CKS2: variants seen among roughly 807,000 people sequenced by gnomAD.
CKS2 encodes the protein CDC28 protein kinase regulatory subunit 2, also known as cyclin-dependent kinases regulatory subunit 2.
A neutral mutation model predicts 14.3 loss-of-function variants in CKS2; 4 were observed. That is an observed-to-expected ratio of 0.28 (90% CI 0.14 to 0.64). The LOEUF is 0.64. Ranked by LOEUF, CKS2 falls within the 30% of genes least tolerant of loss-of-function variation. The pLI is 0.83. For missense variants in CKS2, 71 were observed against 94.3 expected (o/e 0.75, Z 1.02); for synonymous variants, 33 against 28.7 (o/e 1.15, Z -0.48).
intron 1 of CKS2, among the ~76,000 whole-genome samples, chr9:89,313,506 G>T (rs1824655964): frequency 6.6e-6 from 1 of 152,222 alleles, no homozygotes; most frequent in East Asian, 1.9e-4. Context: ...CTTACATGTA[G>T]TTAGTTTGAA....
chr9:89,312,919 T>C (rs1193974010), intron 1 of CKS2, among the ~76,000 whole-genome samples: 1 of 152,244 alleles, frequency 6.6e-6, no homozygotes, highest in Non-Finnish European at 1.5e-5. Flanking sequence ...GGGTATAATA[T>C]TGAAAATAAA....
chr9:89,315,552 A>G (rs1282042566), intron 2 of CKS2, among the ~76,000 whole-genome samples: 1 of 139,298 alleles, frequency 7.2e-6, no homozygotes, highest in Admixed American at 7.3e-5. Flanking sequence ...AAAAAAAAAA[A>G]TGTATTTTAA....
At chr9:89,312,627 G>T (rs1354971270) in intron 1 of CKS2, among the ~76,000 whole-genome samples, 1 of 152,120 alleles carries the variant, frequency 6.6e-6, no homozygotes, top group Non-Finnish European at 1.5e-5. Context: ...AGTAGTAATT[G>T]CACCCTTTTG....
chr9:89,313,971 T>C (rs1039028291), intron 1 of CKS2, among the ~76,000 whole-genome samples: 1 of 152,258 alleles, frequency 6.6e-6, no homozygotes, highest in African/African-American at 2.4e-5. Flanking sequence ...AAATTGGTAC[T>C]TAACCACAGA....
intron 1 of CKS2, chr9:89,312,417 G>T (rs537255908): frequency 1.6e-4 from 24 of 154,380 alleles, no homozygotes; most frequent in African/African-American, 5.8e-4. Context: ...ATACTACCAA[G>T]ATTTAGGGGA....
At chr9:89,315,015 T>A (rs954948398) in intron 1 of CKS2, among the ~76,000 whole-genome samples, 155 bp from the exon 2 acceptor site, 1 of 152,200 alleles carries the variant, frequency 6.6e-6, no homozygotes, top group African/African-American at 2.4e-5. Context: ...TGTGCACTCT[T>A]AGCTCCCTAA....
chr9:89,314,292 CT>C (rs1265641612), intron 1 of CKS2, among the ~76,000 whole-genome samples: 1 of 152,010 alleles, frequency 6.6e-6, no homozygotes, highest in East Asian at 1.9e-4. Context: ...TGATAGAATG[CT>C]TTGGGATACT....
intron 1 of CKS2, among the ~76,000 whole-genome samples, chr9:89,311,727 C>CAGTA (rs1824613353): frequency 6.6e-6 from 1 of 152,210 alleles, no homozygotes; most frequent in Non-Finnish European, 1.5e-5. Flanking sequence ...TTAGGCCGTT[C>CAGTA]AGTAGCTGGT....
At chr9:89,311,375 A>G in intron 1 of CKS2, 24 bp downstream of exon 1, 1 of 1,547,010 alleles carries the variant, frequency 6.5e-7, no homozygotes, top group South Asian at 1.1e-5. Context: ...TTAGACCCCG[A>G]GCCGGCTCCC....
At chr9:89,312,902 T>C (rs748575530) in intron 1 of CKS2, among the ~76,000 whole-genome samples, 24 of 152,236 alleles carry the variant, frequency 1.6e-4, no homozygotes, top group Admixed American at 6.5e-4. Flanking sequence ...GGTACAAGTT[T>C]CTTTTAGGGT....
At chr9:89,312,108 T>C (rs1326213234) in intron 1 of CKS2, 1 of 153,234 alleles carries the variant, frequency 6.5e-6, no homozygotes, top group Non-Finnish European at 1.5e-5. Flanking sequence ...GAGTGGACTT[T>C]GGGCATCATT....
intron 1 of CKS2, among the ~76,000 whole-genome samples, chr9:89,314,883 G>C (rs751502729): frequency 5.6e-4 from 85 of 152,142 alleles, no homozygotes; most frequent in Admixed American, 2.0e-4. Flanking sequence ...TTGGAGGCTG[G>C]TAACCATATG....
At chr9:89,314,165 A>G (rs554003611) in intron 1 of CKS2, among the ~76,000 whole-genome samples, 1 of 152,344 alleles carries the variant, frequency 6.6e-6, no homozygotes, top group South Asian at 2.1e-4. Flanking sequence ...AACTGTTGCT[A>G]CTACTGCAGG....
intron 1 of CKS2, chr9:89,312,244 T>A (rs1182772531): frequency 6.5e-6 from 1 of 154,484 alleles, no homozygotes; most frequent in Non-Finnish European, 1.5e-5. Flanking sequence ...TAAATGTCCC[T>A]GTCCCCTTCC....
At chr9:89,312,259 A>G (rs891585741) in intron 1 of CKS2, 1 of 154,602 alleles carries the variant, frequency 6.5e-6, no homozygotes, top group Non-Finnish European at 1.5e-5. Flanking sequence ...CCTTCCCCCC[A>G]ATTAAAGTAG....
At chr9:89,314,129 T>C (rs1824667244) in intron 1 of CKS2, among the ~76,000 whole-genome samples, 1 of 152,208 alleles carries the variant, frequency 6.6e-6, no homozygotes, top group South Asian at 2.1e-4. Flanking sequence ...AAATTTGGGT[T>C]GGTGGTTATG....
Position 89,311,306 on chromosome 9 carries a change from A to G in CKS2, c.14A>G (p.Gln5Arg). ...CGCGCCAGCAGGATGGCCCACAAGCAGATCTACTACTCGGACAAGTACTTC... is the reference window on the plus strand; with the variant it reads ...CGCGCCAGCAGGATGGCCCACAAGCGGATCTACTACTCGGACAAGTACTTC... MAHK[Q>R]IYYSDKYFDE... The change falls in exon 1 of 3, where the codon CAG becomes CGG. Residue 5 changes from glutamine (Q) to arginine (R), a missense_variant. Coordinates refer to ENST00000314355, the MANE Select transcript of CKS2 (RefSeq NM_001827.3). 1 of 1,611,450 alleles carries G rather than the reference A, an allele frequency of 6.2e-7. No individual in the cohort carries two copies. Among genetic ancestry groups the G allele is most frequent in the Non-Finnish European group, 8.5e-7 (1 of 1,179,000 alleles).
rs1370275952 is a variant in CKS2, at chr9:89,311,360, C to T, written c.59+9C>T. 1 of 1,599,602 alleles carries T rather than the reference C, an allele frequency of 6.3e-7. No homozygotes were observed. Among genetic ancestry groups the T allele is most frequent in the African/African-American group, 1.4e-5 (1 of 73,690 alleles). ...GAACACTACGAGTACCGGTGGGCGC[C>T]TTTCTTAGACCCCGAGCCGGCTCCC... On this transcript the variant is annotated intron_variant, in intron 1 of 2. Transcript: ENST00000314355.
At chr9:89,311,513 C>T (rs1028453606) in intron 1 of CKS2, among the ~76,000 whole-genome samples, 162 bp downstream of exon 1, 1 of 152,194 alleles carries the variant, frequency 6.6e-6, no homozygotes, top group African/African-American at 2.4e-5. Context: ...CCACCTGGCG[C>T]CCCGCGCAGT....
Sources: allele counts gnomAD v4.1 joint callset (sites outside exome capture counted in the v4.1 genomes callset), GRCh38; gene constraint gnomAD v4.1.1; transcripts MANE v1.5; gene names NCBI Gene and HGNC (gene_info 2026-07-23, HGNC 2026-07-21).